Variants in PIGP observed in about 807,000 individuals in gnomAD.
PIGP encodes the protein phosphatidylinositol glycan anchor biosynthesis class P, also known as phosphatidylinositol N-acetylglucosaminyltransferase subunit P.
A neutral mutation model predicts 16.9 loss-of-function variants in PIGP; 12 were observed. That is an observed-to-expected ratio of 0.71 (90% CI 0.46 to 1.15). PIGP has a LOEUF of 1.15. Ranked by LOEUF, PIGP falls within the 50% of genes most tolerant of loss-of-function variation. The pLI is 0.00. For missense variants in PIGP, 159 were observed against 153.5 expected, an observed-to-expected ratio of 1.04 and a Z score of -0.19; for synonymous variants, 57 against 54.7, an observed-to-expected ratio of 1.04 and a Z score of -0.18.
chr21:37,072,634 G>C lies in PIGP; in HGVS notation c.-22-97C>G, dbSNP rs754711581. The C allele has an allele frequency of 1.0e-5, 16 of 1,592,304 alleles. No homozygotes were observed. In the African/African-American group the frequency reaches 1.6e-4, roughly 16 times the overall value. On this transcript the variant is annotated intron_variant, in intron 1 of 4. Coordinates refer to ENST00000360525, the MANE Select transcript of PIGP (RefSeq NM_153682.3). ...CTCCGCCGCGGGTACGGCCCCCGCC[G>C]CGCAGAACCGCCTCCCGCGCCTCCG...
intron 3 of PIGP, among the ~76,000 whole-genome samples, chr21:37,068,667 G>A (rs1042698604): frequency 1.3e-5 from 2 of 152,140 alleles, no homozygotes; most frequent in Admixed American, 1.3e-4. Flanking sequence ...GGGCAGGGAT[G>A]GTCAACTGGT....
At chr21:37,071,077 G>A (rs1449032837) in intron 2 of PIGP, among the ~76,000 whole-genome samples, 1 of 152,192 alleles carries the variant, frequency 6.6e-6, no homozygotes, top group African/African-American at 2.4e-5. Flanking sequence ...AAGCCTTAAA[G>A]TGATTGCTTT....
intron 2 of PIGP, among the ~76,000 whole-genome samples, chr21:37,071,707 A>T (rs1291973577): frequency 6.6e-6 from 1 of 152,128 alleles, no homozygotes; most frequent in Non-Finnish European, 1.5e-5. Context: ...ACGGGCACTC[A>T]ATTTTCTCCC....
chr21:37,069,922 G>C (rs569768028), intron 2 of PIGP, among the ~76,000 whole-genome samples: 1 of 152,162 alleles, frequency 6.6e-6, no homozygotes, highest in South Asian at 2.1e-4. Context: ...CTAGCAGTTT[G>C]CTTTAGGTAC....
In PIGP at chr21:37,067,336, A is replaced by G. The variant is rs2069923312; in HGVS notation, c.200T>C (p.Val67Ala). ...ALPVYLLIAI[V>A]IGYVLLFGIN... ...CCCAAACAAGAGCACGTAGCCAATTACTATAGCAATAAGGAGGTAGACAGG... is the reference window on the plus strand; with the variant it reads ...CCCAAACAAGAGCACGTAGCCAATTGCTATAGCAATAAGGAGGTAGACAGG... Residue 67 changes from valine to alanine, a missense_variant, in exon 4 of 5, where the codon GTA (valine) becomes GCA (alanine). Val to Ala is a moderately conservative substitution (Grantham distance 64). Coordinates refer to ENST00000360525, the MANE Select transcript of PIGP (RefSeq NM_153682.3). 1.2e-6 allele frequency: 2 copies of G among 1,611,736 alleles called. No individual in the cohort carries two copies. Among genetic ancestry groups the G allele is most frequent in the Non-Finnish European group, 1.7e-6 (2 of 1,177,754 alleles).
At chr21:37,065,773 C>G in intron 4 of PIGP, 61 bp from the exon 5 acceptor site, 1 of 1,460,386 alleles carries the variant, frequency 6.8e-7, no homozygotes. Context: ...GTCTCTGTGT[C>G]TGATGGAGAC....
At chr21:37,066,971 CGTGTGTGTGTGTGTGTGTGTGTGTGTGT>C (rs56940945) in intron 4 of PIGP, among the ~76,000 whole-genome samples, 1 of 143,750 alleles carries the variant, frequency 7.0e-6, no homozygotes, top group African/African-American at 2.6e-5. Context: ...TTTTACTGTC[CGTGTGTGTGTGTGTGTGTGTGTGTGTGT>C]GTGTGTGTGT....
chr21:37,067,669 A>AT (rs1569297229), intron 3 of PIGP, among the ~76,000 whole-genome samples: 1 of 151,950 alleles, frequency 6.6e-6, no homozygotes, highest in East Asian at 1.9e-4. Flanking sequence ...CTATTTCCTC[A>AT]TTTTTTTCCA....
chr21:37,072,226 G>A, intron 2 of PIGP: 3 of 1,611,106 alleles, frequency 1.9e-6, no homozygotes, highest in Non-Finnish European at 1.7e-6. Flanking sequence ...GTCTGGTGCT[G>A]TATAAATATT....
intron 4 of PIGP, 84 bp downstream of exon 4, chr21:37,067,178 C>A: frequency 1.3e-6 from 1 of 797,288 alleles, no homozygotes; most frequent in East Asian, 2.6e-5. Context: ...GGTTTTGCAG[C>A]CTGTTCTTTG....
At chr21:37,071,238 T>A (rs909308404) in intron 2 of PIGP, among the ~76,000 whole-genome samples, 2 of 152,210 alleles carry the variant, frequency 1.3e-5, no homozygotes, top group Non-Finnish European at 2.9e-5. Flanking sequence ...CCCCCGTTAA[T>A]CCTCACAACA....
chr21:37,072,442 A>G lies in PIGP; in HGVS notation c.74T>C (p.Phe25Ser). 1 of 1,614,214 alleles carries G rather than the reference A, an allele frequency of 6.2e-7. No individual in the cohort carries two copies. ...ATCAGGAAAGTACTTACTGAAGCCA[A>G]ATTGGGAGCTTAAGAAAAGAACAAA... Reference protein sequence around the residue: ...YGFVLFLSSQFGFILYLVWAF... With the variant: ...YGFVLFLSSQSGFILYLVWAF... Residue 25 changes from phenylalanine (F) to serine (S), a missense_variant, in exon 2 of 5, where the codon TTT becomes TCT. Phe to Ser is a radical substitution (Grantham distance 155). Transcript: ENST00000360525.
chr21:37,067,482 T>A, intron 3 of PIGP, 102 bp from the exon 4 acceptor site: 1 of 698,232 alleles, frequency 1.4e-6, no homozygotes, highest in Non-Finnish European at 2.5e-6. Context: ...TTAAATTTTA[T>A]AAAGTAATAT....
intron 3 of PIGP, among the ~76,000 whole-genome samples, chr21:37,068,865 A>T (rs536392410): frequency 6.6e-6 from 1 of 152,314 alleles, no homozygotes; most frequent in East Asian, 1.9e-4. Flanking sequence ...TCTTCTCATT[A>T]AGCCATGTAG....
intron 2 of PIGP, among the ~76,000 whole-genome samples, chr21:37,071,243 A>G (rs2070002575): frequency 6.6e-6 from 1 of 152,206 alleles, no homozygotes; most frequent in African/African-American, 2.4e-5. Context: ...GTTAATCCTC[A>G]CAACAGTCAG....
chr21:37,072,680 C>T, intron 1 of PIGP, 143 bp from the exon 2 acceptor site: 1 of 1,451,554 alleles, frequency 6.9e-7, no homozygotes. Flanking sequence ...GCGCCCCCGC[C>T]TCGAGCGCAT....
intron 2 of PIGP, 76 bp downstream of exon 2, chr21:37,072,358 A>T: frequency 6.2e-7 from 1 of 1,601,868 alleles, no homozygotes; most frequent in Admixed American, 1.7e-5. Context: ...ATGTGTGCAC[A>T]GTCTAACCAA....
chr21:37,067,817 A>G (rs1425101598), intron 3 of PIGP, among the ~76,000 whole-genome samples: 1 of 152,180 alleles, frequency 6.6e-6, no homozygotes, highest in African/African-American at 2.4e-5. Context: ...ACAATTTTGC[A>G]ACTGAGGATC....
In PIGP at chr21:37,065,646, A is replaced by G. The variant is rs765700785; in HGVS notation, c.341T>C (p.Ile114Thr). 9 of 1,613,384 alleles carry G rather than the reference A, an allele frequency of 5.6e-6. No individual in the cohort carries two copies. The highest frequency in any genetic ancestry group is 1.3e-5 in the African/African-American group (1 of 74,902). Residue 114 changes from isoleucine to threonine, a missense_variant, in exon 5 of 5, where the codon ATT becomes ACT. By Grantham distance (89) the Ile-to-Thr change is moderately conservative. Coordinates refer to ENST00000360525, the MANE Select transcript of PIGP (RefSeq NM_153682.3). ...QEEAIPALRD[I>T]SISEVNQMFF... Reference sequence around the variant, plus strand: ...CATTTGGTTTACTTCACTAATAGAAATATCTCTTAAGGCTGGAATGGCCTC... The same window carrying G: ...CATTTGGTTTACTTCACTAATAGAAGTATCTCTTAAGGCTGGAATGGCCTC...
Sources: gnomAD v4.1 joint callset for allele counts (sites outside exome capture counted in the v4.1 genomes callset) on GRCh38, gnomAD v4.1.1 for gene constraint, MANE v1.5 for transcripts, NCBI Gene and HGNC (gene_info 2026-07-23, HGNC 2026-07-21) for gene names.